Variants in RIMS1 observed in about 807,000 individuals in gnomAD.
RIMS1 encodes regulating synaptic membrane exocytosis 1.
A neutral mutation model predicts 214.1 loss-of-function variants in RIMS1; 83 were observed. The observed-to-expected ratio is 0.39, with a 90% confidence interval of 0.32 to 0.47. The LOEUF is 0.47. Ranked by LOEUF, RIMS1 falls within the 20% of genes least tolerant of loss-of-function variation. The pLI, the probability that RIMS1 is intolerant of heterozygous loss-of-function variation, is 0.99. For synonymous variants in RIMS1, 793 were observed against 786.8 expected (o/e 1.01, Z -0.13); for missense variants, 2,050 against 2,161.8 (o/e 0.95, Z 1.03).
intron 6 of RIMS1, among the ~76,000 whole-genome samples, chr6:72,203,314 A>G (rs1485479031): frequency 2.0e-5 from 3 of 152,128 alleles, no homozygotes; most frequent in Non-Finnish European, 4.4e-5. Context: ...ATGGCACCAA[A>G]TAGGATGCAT....
intron 6 of RIMS1, among the ~76,000 whole-genome samples, chr6:72,192,502 C>G (rs774007106): frequency 7.2e-5 from 11 of 152,318 alleles, no homozygotes; most frequent in Middle Eastern, 3.4e-3. Flanking sequence ...CTGTGATTCT[C>G]TGTTTTAATA....
intron 4 of RIMS1, among the ~76,000 whole-genome samples, chr6:72,103,857 T>TCC (rs1370058846): frequency 6.6e-6 from 1 of 152,236 alleles, no homozygotes; most frequent in Admixed American, 6.5e-5. Context: ...AAGTAGTATC[T>TCC]CATTGTGGTT....
At chr6:72,376,277 AC>A (rs1242443601) in intron 29 of RIMS1, among the ~76,000 whole-genome samples, 1 of 152,038 alleles carries the variant, frequency 6.6e-6, no homozygotes. Flanking sequence ...ACCTCTGACT[AC>A]CCTGCTGTCA....
intron 1 of RIMS1, among the ~76,000 whole-genome samples, chr6:71,945,026 T>TAAA (rs1787362631): frequency 6.6e-6 from 1 of 152,186 alleles, no homozygotes; most frequent in South Asian, 2.1e-4. Flanking sequence ...GTGCAAACTT[T>TAAA]CAAGACCTCT....
chr6:72,297,482 T>TAAAAC (rs2094207143), intron 26 of RIMS1, among the ~76,000 whole-genome samples: 1 of 151,976 alleles, frequency 6.6e-6, no homozygotes. Context: ...CCTAGCTAAA[T>TAAAAC]AAAACAAAAC....
rs1227445667 is a variant in RIMS1 at position 72,402,106 on chromosome 6, A to C, written c.*1392A>C. ...AGTCACTCCACTTTTGTGATTACACAAATAGAGCAGCATGACTTGGAACTG... is the reference window on the plus strand; with the variant it reads ...AGTCACTCCACTTTTGTGATTACACCAATAGAGCAGCATGACTTGGAACTG... On this transcript the variant is annotated 3_prime_UTR_variant, in exon 34 of 34. Coordinates refer to ENST00000521978, the MANE Select transcript of RIMS1 (RefSeq NM_014989.7). The C allele has an allele frequency of 6.6e-6, 1 of 152,436 alleles. No individual in the cohort carries two copies. The highest frequency in any genetic ancestry group is 1.5e-5 in the Non-Finnish European group (1 of 68,048). 9.4% of individuals were successfully genotyped at this position (152,436 alleles called of 1,614,324 possible). A position where few individuals can be genotyped will look rare whatever the true frequency, so the allele number is the denominator to read the frequency against.
At chr6:72,061,522 G>C (rs140430059) in intron 2 of RIMS1, among the ~76,000 whole-genome samples, 1 of 152,304 alleles carries the variant, frequency 6.6e-6, no homozygotes, top group Admixed American at 6.5e-5. Context: ...CTCACTCAGC[G>C]GCTGTGCATT....
chr6:71,955,165 T>A (rs768174841), intron 1 of RIMS1, among the ~76,000 whole-genome samples: 3 of 152,072 alleles, frequency 2.0e-5, no homozygotes, highest in Non-Finnish European at 4.4e-5. Flanking sequence ...ATGAATATTC[T>A]ATGGACATTT....
chr6:72,308,596 G>C (rs2095352458), intron 27 of RIMS1, among the ~76,000 whole-genome samples: 1 of 152,056 alleles, frequency 6.6e-6, no homozygotes, highest in Non-Finnish European at 1.5e-5. Flanking sequence ...AATAAAAAGA[G>C]GTGGCTACAA....
intron 29 of RIMS1, among the ~76,000 whole-genome samples, chr6:72,374,615 A>G (rs2154406569): frequency 6.6e-6 from 1 of 152,274 alleles, no homozygotes; most frequent in Admixed American, 6.5e-5. Context: ...TGAAGTGGTC[A>G]GAGTATTTTG....
intron 4 of RIMS1, chr6:72,126,736 G>A: frequency 4.5e-6 from 1 of 221,452 alleles, no homozygotes; most frequent in South Asian, 5.5e-5. Flanking sequence ...TATACCACCT[G>A]CAAGAATGGC....
chr6:72,065,288 A>G (rs887364615), intron 2 of RIMS1, among the ~76,000 whole-genome samples: 3 of 152,168 alleles, frequency 2.0e-5, no homozygotes, highest in African/African-American at 2.4e-5. Context: ...CAGTAACTTG[A>G]CAGAAGAAGG....
intron 2 of RIMS1, among the ~76,000 whole-genome samples, chr6:72,079,503 AC>A (rs1184683977): frequency 2.0e-5 from 3 of 152,178 alleles, no homozygotes; most frequent in Non-Finnish European, 2.9e-5. Flanking sequence ...CTTTGATGTC[AC>A]TCAGGCTCAG....
At chr6:72,006,368 T>C (rs1257349008) in intron 2 of RIMS1, among the ~76,000 whole-genome samples, 3 of 152,110 alleles carry the variant, frequency 2.0e-5, no homozygotes. Flanking sequence ...GATGGCCAAA[T>C]AGGAACAGCT....
At chr6:72,304,549 C>G (rs898225350) in intron 26 of RIMS1, among the ~76,000 whole-genome samples, 3 of 151,660 alleles carry the variant, frequency 2.0e-5, no homozygotes, top group African/African-American at 7.3e-5. Flanking sequence ...TAATATTTGG[C>G]TTGACACATC....
chr6:72,168,727 T>G (rs889502580), intron 4 of RIMS1, among the ~76,000 whole-genome samples: 4 of 150,480 alleles, frequency 2.7e-5, no homozygotes, highest in Middle Eastern at 3.4e-3. Context: ...CAGGGTTTTT[T>G]TTTTTTTTTT....
At position 72,250,776 on chromosome 6, in the gene RIMS1, A is replaced by G. The variant is rs555569847; in HGVS notation, c.2373-145A>G. 3.2e-4 allele frequency: 181 copies of G among 571,258 alleles called. 1 individual carries two copies. Among genetic ancestry groups the G allele is most frequent in the African/African-American group, 3.1e-3 (164 of 53,068 alleles). 35.4% of individuals were successfully genotyped at this position (571,258 alleles called of 1,614,324 possible). A position where few individuals can be genotyped will look rare whatever the true frequency, so the allele number is the denominator to read the frequency against. Reference sequence around the variant, plus strand: ...CTTATATTGTAACTGAAGTTAGAATATTATTAAACTCTATTATCTTTTTAT... The same window carrying G: ...CTTATATTGTAACTGAAGTTAGAATGTTATTAAACTCTATTATCTTTTTAT... On this transcript the variant is annotated intron_variant, in intron 13 of 33. Coordinates refer to ENST00000521978, the MANE Select transcript of RIMS1 (RefSeq NM_014989.7).
intron 2 of RIMS1, among the ~76,000 whole-genome samples, chr6:71,981,152 T>C (rs965795041): frequency 2.6e-5 from 4 of 152,122 alleles, no homozygotes; most frequent in African/African-American, 9.7e-5. Context: ...ATTTTAGCTT[T>C]TTGCTGATTT....
chr6:72,148,825 A>G lies in RIMS1; in HGVS notation c.472-30750A>G, dbSNP rs748810473. Among the ~76,000 whole-genome samples the G allele has an allele frequency of 1.3e-3, 190 of 151,614 alleles. 2 individuals are homozygous for G. Among genetic ancestry groups the G allele is most frequent in the Admixed American group, 6.0e-3 (92 of 15,234 alleles). On this transcript the variant is annotated intron_variant, in intron 4 of 33. Coordinates refer to ENST00000521978, the MANE Select transcript of RIMS1 (RefSeq NM_014989.7). ...TTAAATTAAGTCCAAGGTGACCCTC[A>G]TGTTTGCAGTCAGTGACTGGTGGGG...
Sources: allele counts gnomAD v4.1 joint callset (sites outside exome capture counted in the v4.1 genomes callset), GRCh38; gene constraint gnomAD v4.1.1; transcripts MANE v1.5; gene names NCBI Gene and HGNC (gene_info 2026-07-23, HGNC 2026-07-21).